Variants in IGF1R observed in about 807,000 individuals in gnomAD.
The protein encoded by IGF1R is insulin like growth factor 1 receptor.
In IGF1R, 44 loss-of-function variants were observed where a neutral mutation model predicts 144.6. The observed-to-expected ratio is 0.30, with a 90% CI of 0.24 to 0.39. The LOEUF (loss-of-function observed/expected upper bound fraction) is 0.39, where lower values mean the gene tolerates loss of function less well. Among genes scored for constraint, IGF1R ranks in the 10% least tolerant of loss-of-function variants. IGF1R has a pLI of 1.00. For missense variants in IGF1R, 1,355 were observed against 1,833.7 expected (o/e 0.74, Z 4.77); for synonymous variants, 795 against 722.8 (o/e 1.10, Z -1.60).
chr15:98,925,292 A>G (rs74032108), intron 13 of IGF1R, among the ~76,000 whole-genome samples: 1,659 of 152,292 alleles, frequency 0.011, 31 homozygotes, highest in African/African-American at 0.038. Context: ...AACAAGACAG[A>G]ATTCTTAGGC....
chr15:98,868,327 CAAA>C (rs55905905), intron 2 of IGF1R, among the ~76,000 whole-genome samples: 9 of 49,864 alleles, frequency 1.8e-4, no homozygotes, highest in Admixed American at 3.8e-4. Context: ...ACCTTGTCTC[CAAA>C]AAAAAAAAAA....
intron 1 of IGF1R, among the ~76,000 whole-genome samples, chr15:98,675,853 T>G (rs2053028212): frequency 7.5e-6 from 1 of 133,562 alleles, no homozygotes; most frequent in South Asian, 2.3e-4. Context: ...TTTGAGAGAG[T>G]CTCGCTCTGT....
intron 19 of IGF1R, 37 bp downstream of exon 19, chr15:98,943,089 C>G: frequency 6.2e-7 from 1 of 1,613,146 alleles, no homozygotes; most frequent in Non-Finnish European, 8.5e-7. Flanking sequence ...GCCTGGAGCC[C>G]CCAGCCTCTG....
At chr15:98,840,181 C>T (rs950892640) in intron 2 of IGF1R, among the ~76,000 whole-genome samples, 11 of 152,160 alleles carry the variant, frequency 7.2e-5, no homozygotes, top group African/African-American at 2.7e-4. Flanking sequence ...CGGACTCTCT[C>T]CCCTCTTGAA....
At chr15:98,768,240 T>C (rs527855407) in intron 2 of IGF1R, among the ~76,000 whole-genome samples, 100 of 152,280 alleles carry the variant, frequency 6.6e-4, no homozygotes, top group Non-Finnish European at 1.2e-3. Context: ...TTAGTTGATA[T>C]GTAGTCCTTC....
intron 2 of IGF1R, among the ~76,000 whole-genome samples, chr15:98,844,464 AG>A: frequency 6.6e-6 from 1 of 152,264 alleles, no homozygotes; most frequent in Admixed American, 6.5e-5. Context: ...GGTTTGGGGT[AG>A]GGGGCGTGTC....
In IGF1R at chr15:98,718,088, G is replaced by A. The variant is rs941957329; in HGVS notation, c.640+9981G>A. Among the ~76,000 whole-genome samples, 3 of 152,158 alleles carry A rather than the reference G, an allele frequency of 2.0e-5. No homozygotes were observed. The East Asian group carries it at 5.8e-4, about 29-fold the overall frequency. On this transcript the variant is annotated intron_variant, in intron 2 of 20. Coordinates refer to ENST00000650285, the MANE Select transcript of IGF1R (RefSeq NM_000875.5). ...TGCAGGAAACAAACACTGGCTCTCT[G>A]TCCTCCCTTAGGTCTTCCTTCCGTT...
chr15:98,649,787 C>A, intron 1 of IGF1R, 112 bp downstream of exon 1: 2 of 774,714 alleles, frequency 2.6e-6, no homozygotes, highest in South Asian at 1.5e-5. Context: ...CCCCCGGGCT[C>A]GGGAGCGGCG....
rs920913764 is a variant in IGF1R, at chr15:98,770,181, A to G, written c.640+62074A>G. Among the ~76,000 whole-genome samples the G allele has an allele frequency of 4.6e-5, 7 of 152,300 alleles. No individual in the cohort carries two copies. The East Asian group carries it at 1.4e-3, about 29-fold the overall frequency. On this transcript the variant is annotated intron_variant, in intron 2 of 20. Transcript: ENST00000650285. Reference sequence around the variant, plus strand: ...CATGTCACTCTGACTTCCAGATGATAATGAGTGTGACCATGGGCTGAATGA... The same window carrying G: ...CATGTCACTCTGACTTCCAGATGATGATGAGTGTGACCATGGGCTGAATGA...
At chr15:98,794,091 C>G (rs2056186969) in intron 2 of IGF1R, among the ~76,000 whole-genome samples, 1 of 152,194 alleles carries the variant, frequency 6.6e-6, no homozygotes, top group Non-Finnish European at 1.5e-5. Context: ...ATGGCAGTGT[C>G]CTCTGCATTC....
intron 5 of IGF1R, 46 bp from the exon 6 acceptor site, chr15:98,908,639 C>T: frequency 6.8e-7 from 1 of 1,477,526 alleles, no homozygotes; most frequent in Non-Finnish European, 9.4e-7. Flanking sequence ...CTAGAGGGGA[C>T]TGTGGCCAAG....
At position 98,957,218 on chromosome 15, in the gene IGF1R, G is replaced by C; in HGVS notation, c.3880G>C (p.Asp1294His). ...CAAGCTGCCCGAGCCGGAGGAGCTG[G>C]ACCTGGAGCCAGAGAACATGGAGAG... ...ENKLPEPEEL[D>H]LEPENMESVP... The change falls in exon 21 of 21, where the codon GAC becomes CAC. Residue 1294 changes from aspartate (D) to histidine (H), a missense_variant. By Grantham distance (81) the Asp-to-His change is moderately conservative. This residue lies in a region of IGF1R where 219 missense variants were observed against 188.8 expected (regional missense o/e 1.16). Transcript: ENST00000650285. 2 of 1,614,242 alleles carry C rather than the reference G, an allele frequency of 1.2e-6. No individual in the cohort carries two copies. The highest frequency in any genetic ancestry group is 1.7e-6 in the Non-Finnish European group (2 of 1,180,052).
rs771802135 is a variant in IGF1R at position 98,708,052 on chromosome 15, C to T, written c.585C>T (p.Thr195=). Residue 195 remains threonine, a synonymous_variant, in exon 2 of 21, where the codon ACC becomes ACT. Coordinates refer to ENST00000650285, the MANE Select transcript of IGF1R (RefSeq NM_000875.5). The stretch of plus-strand genomic sequence containing the variant: ...AGGAGAAGCCGATGTGTGAGAAGAC[C>T]ACCATCAACAATGAGTACAACTACC... ...TMEEKPMCEK[T]TINNEYNYRC... The T allele has an allele frequency of 1.1e-5, 17 of 1,613,880 alleles. No homozygotes were observed. Among genetic ancestry groups the T allele is most frequent in the African/African-American group, 1.3e-5 (1 of 74,916 alleles).
At chr15:98,780,474 G>A (rs1015661768) in intron 2 of IGF1R, among the ~76,000 whole-genome samples, 24 of 147,530 alleles carry the variant, frequency 1.6e-4, no homozygotes, top group African/African-American at 5.7e-4. Context: ...GCTTGAACCC[G>A]GGAGGTGGAG....
chr15:98,700,321 T>A (rs938090736), intron 1 of IGF1R, among the ~76,000 whole-genome samples: 1 of 152,146 alleles, frequency 6.6e-6, no homozygotes, highest in Non-Finnish European at 1.5e-5. Flanking sequence ...TTGGGGGTTT[T>A]CTGAGAGAGA....
intron 2 of IGF1R, among the ~76,000 whole-genome samples, chr15:98,876,645 A>G (rs1389802322): frequency 6.6e-6 from 1 of 152,238 alleles, no homozygotes; most frequent in Non-Finnish European, 1.5e-5. Context: ...AGAACATTCC[A>G]AAGATGATAG....
chr15:98,897,542 A>T (rs1044458771), intron 4 of IGF1R: 1 of 153,644 alleles, frequency 6.5e-6, no homozygotes, highest in Admixed American at 6.5e-5. Flanking sequence ...GACTTAGCCT[A>T]TGATCTCTTC....
chr15:98,879,889 T>G (rs1330302529), intron 2 of IGF1R, among the ~76,000 whole-genome samples: 5 of 152,212 alleles, frequency 3.3e-5, no homozygotes, highest in Non-Finnish European at 7.3e-5. Flanking sequence ...AGACACTACC[T>G]ATTGTCTGAT....
Position 98,957,050 on chromosome 15 carries a change from C to A in IGF1R, c.3723-11C>A. 6.2e-7 allele frequency: 1 copy of A among 1,614,094 alleles called. No homozygotes were observed. Among genetic ancestry groups the A allele is most frequent in the Non-Finnish European group, 8.5e-7 (1 of 1,180,024 alleles). On this transcript the variant is annotated splice_polypyrimidine_tract_variant and intron_variant, in intron 20 of 20. Coordinates refer to ENST00000650285, the MANE Select transcript of IGF1R (RefSeq NM_000875.5). The stretch of plus-strand genomic sequence containing the variant: ...CCGGTTTGGACCCCCTCCCGTGTGT[C>A]TTGGCTGCAGGTTTGAACTGATGCG...
Sources: allele counts gnomAD v4.1 joint callset (sites outside exome capture counted in the v4.1 genomes callset), GRCh38; gene constraint gnomAD v4.1.1; regional missense constraint gnomAD v4.1.1; transcripts MANE v1.5; gene names NCBI Gene and HGNC (gene_info 2026-07-23, HGNC 2026-07-21).